The following CC2D2B variants were observed in gnomAD, a reference collection of about 807,000 sequenced individuals.
The protein encoded by CC2D2B is coiled-coil and C2 domain containing 2B, also known as protein CC2D2B.
CC2D2B carries 128 observed loss-of-function variants against 161.2 expected under a neutral mutation model. The ratio of observed to expected loss-of-function variants is 0.79; its 90% CI spans 0.69 to 0.92. CC2D2B has a LOEUF of 0.92. Ranked by LOEUF, CC2D2B falls within the 40% of genes least tolerant of loss-of-function variation. CC2D2B has a pLI of 0.00. For missense variants in CC2D2B, 1,173 were observed against 1,375.1 expected, an observed-to-expected ratio of 0.85 and a Z score of 2.32; for synonymous variants, 391 against 449.8, an observed-to-expected ratio of 0.87 and a Z score of 1.65.
At chr10:95,964,296 G>A (rs2076866949) in intron 12 of CC2D2B, among the ~76,000 whole-genome samples, 1 of 152,108 alleles carries the variant, frequency 6.6e-6, no homozygotes, top group African/African-American at 2.4e-5. Flanking sequence ...TATTGTCTAA[G>A]TTACTCGTAA....
At chr10:96,023,519 C>T (rs1299135482) in intron 32 of CC2D2B, among the ~76,000 whole-genome samples, 1 of 152,202 alleles carries the variant, frequency 6.6e-6, no homozygotes, top group Non-Finnish European at 1.5e-5. Flanking sequence ...TAAACCAGGC[C>T]TCTTTTTCAG....
chr10:96,017,712 C>G (rs371580380), intron 30 of CC2D2B, among the ~76,000 whole-genome samples: 27 of 152,136 alleles, frequency 1.8e-4, no homozygotes, highest in East Asian at 1.7e-3. Context: ...GGGAGGATTG[C>G]TTGAGCTCAG....
At chr10:96,019,451 C>A in intron 31 of CC2D2B, 114 bp downstream of exon 31, 2 of 1,112,964 alleles carry the variant, frequency 1.8e-6, no homozygotes, top group Non-Finnish European at 2.6e-6. Flanking sequence ...TTCCCTAGGG[C>A]ATGGGGCCGG....
chr10:95,982,929 G>A (rs576587019), intron 18 of CC2D2B, among the ~76,000 whole-genome samples: 19 of 152,048 alleles, frequency 1.2e-4, no homozygotes, highest in East Asian at 7.7e-4. Context: ...ACGCCACTGC[G>A]CCCAGCTAAT....
intron 10 of CC2D2B, among the ~76,000 whole-genome samples, chr10:95,950,717 GA>G (rs2076370683): frequency 6.6e-6 from 1 of 152,076 alleles, no homozygotes; most frequent in Admixed American, 6.6e-5. Context: ...GCTATTTAAT[GA>G]AACATTCAAT....
rs914684180 is a variant in CC2D2B, at chr10:96,016,328, T to A, written c.3630+14T>A. 2.7e-6 allele frequency: 4 copies of A among 1,479,888 alleles called. No individual in the cohort carries two copies. In the South Asian group the frequency reaches 3.4e-5, roughly 13 times the overall value. 91.7% of individuals were successfully genotyped at this position (1,479,888 alleles called of 1,614,324 possible). On this transcript the variant is annotated intron_variant, in intron 30 of 34. Transcript: ENST00000646931. ...TCAGTGTTAGAAGTAAGTGCTGGAG[T>A]TCATATTGAAATAATGTAAGCAAAA...
At chr10:96,008,553 TACAA>T (rs2078855100) in intron 25 of CC2D2B, among the ~76,000 whole-genome samples, 1 of 152,146 alleles carries the variant, frequency 6.6e-6, no homozygotes, top group African/African-American at 2.4e-5. Context: ...TTCACTTTCT[TACAA>T]ACACTTGGTC....
Position 95,922,069 on chromosome 10 carries a change from C to A in CC2D2B, c.90C>A (p.Leu30=). The A allele has an allele frequency of 4.6e-6, 7 of 1,514,940 alleles. No individual in the cohort carries two copies. Among genetic ancestry groups the A allele is most frequent in the Non-Finnish European group, 6.3e-6 (7 of 1,116,492 alleles). The allele number at this position is 1,514,940 out of a possible 1,614,324, so 93.8% of individuals were successfully genotyped here. The part of the protein sequence containing the change: ...ITAEEIIDKH[L]QKDLDAEENQ... ...CTGAAGAAATTATAGACAAGCATCT[C>A]CAAAAAGGTTCTCAATAAGTATACC... The change falls in exon 3 of 35, where the codon CTC becomes CTA. Residue 30 remains leucine (L), a synonymous_variant. Coordinates refer to ENST00000646931, the MANE Select transcript of CC2D2B (RefSeq NM_001349008.3).
At chr10:96,017,352 T>C (rs754572106) in intron 30 of CC2D2B, among the ~76,000 whole-genome samples, 6 of 152,204 alleles carry the variant, frequency 3.9e-5, no homozygotes, top group Non-Finnish European at 8.8e-5. Flanking sequence ...TAATAGAAGT[T>C]CATTCCCTCT....
chr10:96,024,795 T>C, intron 32 of CC2D2B, 58 bp from the exon 33 acceptor site: 1 of 1,002,234 alleles, frequency 1.0e-6, no homozygotes, highest in Non-Finnish European at 1.5e-6. Context: ...ATTCCAGGAG[T>C]GACTGTGATG....
intron 2 of CC2D2B, chr10:95,920,199 C>T (rs10786244): frequency 0.28 from 42,659 of 151,770 alleles, 6,575 homozygotes; most frequent in African/African-American, 0.41. Flanking sequence ...AGTCCATTCT[C>T]GCACTGCTAT....
Position 95,938,902 on chromosome 10 carries a change from T to C in CC2D2B, c.778T>C (p.Leu260=), listed in dbSNP as rs1323141354. 1.4e-6 allele frequency: 1 copy of C among 713,060 alleles called. No individual in the cohort carries two copies. The allele number at this position is 713,060 out of a possible 1,614,324, so 44.2% of individuals were successfully genotyped here. Residue 260 remains leucine (L), a synonymous_variant, in exon 9 of 35, where the codon TTA becomes CTA. Transcript: ENST00000646931. The stretch of plus-strand genomic sequence containing the variant: ...TGTAAGGAAGGAACCTTTAAATCCA[T>C]TACTTAAGACCATATACAGGAAGGT... The part of the protein sequence containing the change: ...LNVRKEPLNP[L]LKTIYRKAVK...
intron 6 of CC2D2B, among the ~76,000 whole-genome samples, chr10:95,928,199 T>G (rs1159045980): frequency 6.6e-6 from 1 of 150,842 alleles, no homozygotes; most frequent in African/African-American, 2.5e-5. Flanking sequence ...AGTCCTTTCA[T>G]TCTCGTTTTG....
intron 6 of CC2D2B, 47 bp downstream of exon 6, chr10:95,927,379 A>C: frequency 1.0e-6 from 1 of 1,002,906 alleles, no homozygotes; most frequent in Non-Finnish European, 1.5e-6. Context: ...TCAGGAAAAA[A>C]TGATTCTTTA....
Position 95,938,785 on chromosome 10 carries a change from TA to T in CC2D2B, c.673-11del, listed in dbSNP as rs1564600656. The stretch of plus-strand genomic sequence containing the variant: ...AAAATATTTAATTACTATACTTAAA[TA>T]TTTTTGATAGGGAAAATGTTGGTTT... On this transcript the variant is annotated splice_polypyrimidine_tract_variant and intron_variant, in intron 8 of 34. Transcript: ENST00000646931. 2.8e-6 allele frequency: 2 copies of T among 706,008 alleles called. No homozygotes were observed. Among genetic ancestry groups the T allele is most frequent in the Non-Finnish European group, 5.2e-6 (2 of 382,050 alleles). 43.7% of individuals were successfully genotyped at this position (706,008 alleles called of 1,614,324 possible).
intron 24 of CC2D2B, chr10:96,000,011 T>C: frequency 8.0e-7 from 1 of 1,250,554 alleles, no homozygotes; most frequent in Non-Finnish European, 1.1e-6. Flanking sequence ...ATCTTGCCCT[T>C]CTTTGTTTAC....
rs564488116 is a variant in CC2D2B, at chr10:95,987,854, A to G, written c.2287-396A>G. Among the ~76,000 whole-genome samples the G allele has an allele frequency of 1.0e-3, 152 of 152,296 alleles. 1 individual carries two copies. Among genetic ancestry groups the G allele is most frequent in the African/African-American group, 3.5e-3 (146 of 41,558 alleles). ...GCACAGTTAGTAAATGCCAGGGCCAACTTGAACCTAGGACTGTCTGCCTCC... is the reference window on the plus strand; with the variant it reads ...GCACAGTTAGTAAATGCCAGGGCCAGCTTGAACCTAGGACTGTCTGCCTCC... On this transcript the variant is annotated intron_variant, in intron 19 of 34. Coordinates refer to ENST00000646931, the MANE Select transcript of CC2D2B (RefSeq NM_001349008.3).
intron 11 of CC2D2B, chr10:95,961,605 T>C: frequency 3.1e-6 from 1 of 327,372 alleles, no homozygotes; most frequent in Non-Finnish European, 5.5e-6. Flanking sequence ...CAGGGCACTT[T>C]TGAATAGTGA....
intron 20 of CC2D2B, among the ~76,000 whole-genome samples, chr10:95,989,172 T>G (rs1285697025): frequency 6.6e-6 from 1 of 152,154 alleles, no homozygotes; most frequent in Non-Finnish European, 1.5e-5. Flanking sequence ...GAGGCAACCA[T>G]GTATAGCTAG....
Sources: gnomAD v4.1 joint callset for allele counts (sites outside exome capture counted in the v4.1 genomes callset) on GRCh38, gnomAD v4.1.1 for gene constraint, MANE v1.5 for transcripts, NCBI Gene and HGNC (gene_info 2026-07-23, HGNC 2026-07-21) for gene names.